Variants in ZNF608 observed in about 807,000 individuals in gnomAD.
ZNF608 encodes renal carcinoma antigen NY-REN-36.
A neutral mutation model predicts 109.0 loss-of-function variants in ZNF608; 12 were observed. That is an observed-to-expected ratio of 0.11 (90% CI 0.07 to 0.18). ZNF608 has a LOEUF of 0.18. ZNF608 is among the 10% of genes least tolerant of loss of function. The pLI is 1.00. For synonymous variants in ZNF608, 732 were observed against 717.4 expected (o/e 1.02, Z -0.33); for missense variants, 1,707 against 1,879.3 (o/e 0.91, Z 1.70).
intron 3 of ZNF608, among the ~76,000 whole-genome samples, chr5:124,680,547 A>G (rs925605546): frequency 2.6e-5 from 4 of 152,198 alleles, no homozygotes; most frequent in Non-Finnish European, 5.9e-5. Context: ...TAATTGATCC[A>G]GGTCTGCCTA....
chr5:124,724,495 G>GAAAA (rs1324755521), intron 2 of ZNF608, among the ~76,000 whole-genome samples: 1 of 39,488 alleles, frequency 2.5e-5, no homozygotes, highest in Non-Finnish European at 4.5e-5. Context: ...TGCAAAGAGT[G>GAAAA]CAAAAAAAAA....
upstream of ZNF608, among the ~76,000 whole-genome samples, chr5:124,747,019 G>C (rs753868710): frequency 2.0e-5 from 3 of 151,994 alleles, no homozygotes; most frequent in Admixed American, 6.6e-5. Context: ...GAAACCTAAA[G>C]GATGTGATGT....
upstream of ZNF608, chr5:124,748,533 G>T: frequency 3.0e-6 from 3 of 985,214 alleles, no homozygotes; most frequent in Non-Finnish European, 3.6e-6. Flanking sequence ...CCGTACTTAC[G>T]GTCTGTATTG....
chr5:124,667,459 C>CCACCGT (rs61246286), intron 3 of ZNF608, among the ~76,000 whole-genome samples: 48,421 of 151,532 alleles, frequency 0.32, 8,829 homozygotes, highest in African/African-American at 0.51. Context: ...CCTCCCACCC[C>CCACCGT]CACCGTGGCT....
At chr5:124,731,118 G>A (rs1372509418) in intron 2 of ZNF608, among the ~76,000 whole-genome samples, 1 of 152,182 alleles carries the variant, frequency 6.6e-6, no homozygotes, top group Non-Finnish European at 1.5e-5. Context: ...GCATCTGCAG[G>A]TTTTCCTACT....
chr5:124,748,478 T>G, upstream of ZNF608: 1 of 943,744 alleles, frequency 1.1e-6, no homozygotes, highest in Non-Finnish European at 1.3e-6. Flanking sequence ...CACATTCCCC[T>G]GCATGAAGTC....
chr5:124,740,668 A>T (rs937395816), intron 2 of ZNF608, among the ~76,000 whole-genome samples: 1 of 152,242 alleles, frequency 6.6e-6, no homozygotes, highest in African/African-American at 2.4e-5. Flanking sequence ...CTTTATGGAC[A>T]GGTCCATTTG....
In ZNF608 at chr5:124,643,541, A is replaced by G. The variant is rs1463762972; in HGVS notation, c.4266T>C (p.His1422=). The G allele has an allele frequency of 3.3e-5, 53 of 1,614,122 alleles. No homozygotes were observed. The highest frequency in any genetic ancestry group is 4.5e-5 in the Non-Finnish European group (53 of 1,180,058). ...GAGACTTGCTGCGGTATTGGTTAGC[A>G]TGCTGCTGGAGCAAATCCAGTGCTT... The part of the protein sequence containing the change: ...ESKALDLLQQ[H]ANQYRSKSPA... Residue 1422 remains histidine (H), a synonymous_variant, in exon 7 of 10, where the codon CAT becomes CAC. Transcript: ENST00000513986.
intron 3 of ZNF608, among the ~76,000 whole-genome samples, chr5:124,682,283 G>A (rs1303367455): frequency 2.0e-5 from 3 of 152,208 alleles, no homozygotes; most frequent in East Asian, 1.9e-4. Context: ...ATGTTGGCCA[G>A]CCTGGTCTCA....
intron 2 of ZNF608, among the ~76,000 whole-genome samples, chr5:124,718,003 CAT>C (rs772046335): frequency 1.1e-4 from 16 of 152,204 alleles, no homozygotes; most frequent in Non-Finnish European, 2.1e-4. Flanking sequence ...GGGCTCAACA[CAT>C]AACATGGCTG....
chr5:124,727,227 G>A (rs1332097797), intron 2 of ZNF608, among the ~76,000 whole-genome samples: 2 of 152,144 alleles, frequency 1.3e-5, no homozygotes, highest in Non-Finnish European at 2.9e-5. Context: ...ACAACCCTGT[G>A]CTCTGTCAAC....
At chr5:124,743,097 A>G (rs1300607885) in intron 2 of ZNF608, among the ~76,000 whole-genome samples, 1 of 152,204 alleles carries the variant, frequency 6.6e-6, no homozygotes, top group Non-Finnish European at 1.5e-5. Context: ...TAAGCAGCAA[A>G]ACATGGTGTG....
rs1363068113 is a variant in ZNF608 at position 124,648,821 on chromosome 5, C to T, written c.1563G>A (p.Lys521=). 4 of 1,614,184 alleles carry T rather than the reference C, an allele frequency of 2.5e-6. No individual in the cohort carries two copies. Among genetic ancestry groups the T allele is most frequent in the East Asian group, 2.2e-5 (1 of 44,880 alleles). ...TGCTTCTGGAATTTGTGCGGACACG[C>T]TTTCCAGGCTTATTGTCCTCAGAGC... ...NSSSEDNKPG[K]RVRTNSRSTP... Residue 521 remains lysine, a synonymous_variant, in exon 5 of 10, where the codon AAG becomes AAA. Transcript: ENST00000513986.
chr5:124,744,504 G>A lies in ZNF608; in HGVS notation c.486C>T (p.Ser162=). 6.2e-7 allele frequency: 1 copy of A among 1,614,210 alleles called. No homozygotes were observed. The highest frequency in any genetic ancestry group is 8.5e-7 in the Non-Finnish European group (1 of 1,180,030). The part of the protein sequence containing the change: ...ALGQSVSSGG[S]GNPNSNSTST... ...TGGTACTATTGCTGTTTGGGTTGCC[G>A]CTGCCGCCGCTGCTCACACTTTGAC... Residue 162 remains serine (S), a synonymous_variant, in exon 2 of 10, where the codon AGC becomes AGT. Coordinates refer to ENST00000513986, the MANE Select transcript of ZNF608 (RefSeq NM_020747.3). The surrounding 1 kb of genome is among the most constrained non-coding windows in gnomAD (Gnocchi z 4.5).
chr5:124,644,154 T>C (rs1750383661), intron 6 of ZNF608, 90 bp downstream of exon 6: 3 of 1,210,444 alleles, frequency 2.5e-6, no homozygotes, highest in Non-Finnish European at 3.4e-6. Context: ...AATGTCACTC[T>C]TGAAGCTTCT....
intron 3 of ZNF608, among the ~76,000 whole-genome samples, chr5:124,658,226 A>AC (rs1165570434): frequency 6.6e-6 from 1 of 151,974 alleles, no homozygotes; most frequent in Non-Finnish European, 1.5e-5. Context: ...ATCAAAAGCC[A>AC]CCCCCTGTAC....
At chr5:124,736,684 A>C (rs1428129916) in intron 2 of ZNF608, among the ~76,000 whole-genome samples, 1 of 152,238 alleles carries the variant, frequency 6.6e-6, no homozygotes, top group Non-Finnish European at 1.5e-5. Flanking sequence ...TGCGAAGGAC[A>C]AAAAGGTATA....
chr5:124,647,788 T>C lies in ZNF608; in HGVS notation c.2596A>G (p.Asn866Asp). The C allele has an allele frequency of 6.2e-7, 1 of 1,614,182 alleles. No homozygotes were observed. The change falls in exon 5 of 10, where the codon AAT becomes GAT. Residue 866 changes from asparagine (N) to aspartate (D), a missense_variant. Around this residue, in one of 7 missense-constraint regions of ZNF608, gnomAD observed 1,073 missense variants for 1,133.5 expected, o/e 0.95. Transcript: ENST00000513986. ...CTCTCCTGAGACTCCGACAGTCCAT[T>C]TGCCAGCCCTTCATTCTTGTTGAGA... is the stretch of plus-strand genomic sequence containing the variant. The part of the protein sequence containing the change: ...DHLNKNEGLA[N>D]GLSESQESRM...
At chr5:124,725,472 G>T (rs1754101944) in intron 2 of ZNF608, among the ~76,000 whole-genome samples, 1 of 151,954 alleles carries the variant, frequency 6.6e-6, no homozygotes. Flanking sequence ...ATAAAGGAAT[G>T]AACAAATGAA....
Sources: allele counts gnomAD v4.1 joint callset (sites outside exome capture counted in the v4.1 genomes callset), GRCh38; gene constraint gnomAD v4.1.1; regional missense constraint gnomAD v4.1.1; non-coding constraint Gnocchi (gnomAD v3.1); transcripts MANE v1.5; gene names NCBI Gene and HGNC (gene_info 2026-07-23, HGNC 2026-07-21).